NCOA3: variants seen among roughly 807,000 people sequenced by gnomAD.
NCOA3 encodes nuclear receptor coactivator 3.
A neutral mutation model predicts 158.8 loss-of-function variants in NCOA3; 51 were observed. That is an observed-to-expected ratio of 0.32 (90% CI 0.26 to 0.41). NCOA3 has a LOEUF of 0.41. NCOA3 is among the 10% of genes least tolerant of loss of function. The pLI is 1.00. For missense variants in NCOA3, 1,510 were observed against 1,746.6 expected (o/e 0.86, Z 2.41); for synonymous variants, 537 against 592.4 (o/e 0.91, Z 1.36).
chr20:47,544,744 T>G (rs1442438141), intron 1 of NCOA3, among the ~76,000 whole-genome samples: 13 of 152,208 alleles, frequency 8.5e-5, no homozygotes, highest in Non-Finnish European at 5.9e-5. Context: ...TACTTCAGTT[T>G]ATGGATAGTT....
intron 1 of NCOA3, among the ~76,000 whole-genome samples, chr20:47,533,555 T>G (rs1054007664): frequency 1.3e-5 from 2 of 152,140 alleles, no homozygotes; most frequent in Non-Finnish European, 2.9e-5. Context: ...TAGCAGAGAT[T>G]AAATGAACTC....
At chr20:47,635,852 G>A in intron 11 of NCOA3, 39 bp from the exon 12 acceptor site, 1 of 1,551,810 alleles carries the variant, frequency 6.4e-7, no homozygotes, top group South Asian at 1.2e-5. Flanking sequence ...ACAGTGTCTG[G>A]TAGTCTAATT....
At chr20:47,563,888 CAAA>C (rs72161837) in intron 1 of NCOA3, among the ~76,000 whole-genome samples, 33 of 58,822 alleles carry the variant, frequency 5.6e-4, no homozygotes, top group African/African-American at 1.9e-3. Context: ...GATTCTGTCT[CAAA>C]AAAAAAAAAA....
rs531207074 is a variant in NCOA3, at chr20:47,529,657, C to T, written c.-99+27638C>T. Among the ~76,000 whole-genome samples, 9 of 152,352 alleles carry T rather than the reference C, an allele frequency of 5.9e-5. No individual in the cohort carries two copies. The South Asian group carries it at 1.0e-3, about 18-fold the overall frequency. ...CGAACTCTGACCTCAAGTGATCCAC[C>T]GGCTCAACCTCTCAAAGTGTTGTGA... is the stretch of plus-strand genomic sequence containing the variant. On this transcript the variant is annotated intron_variant, in intron 1 of 22. Coordinates refer to ENST00000371998, the MANE Select transcript of NCOA3 (RefSeq NM_181659.3).
At chr20:47,557,254 C>T (rs986210508) in intron 1 of NCOA3, among the ~76,000 whole-genome samples, 7 of 152,176 alleles carry the variant, frequency 4.6e-5, no homozygotes, top group African/African-American at 1.4e-4. Flanking sequence ...TCAACAGTAA[C>T]ACCTACTTTT....
intron 2 of NCOA3, among the ~76,000 whole-genome samples, chr20:47,603,331 TTC>T (rs1252052123): frequency 1.3e-5 from 2 of 152,368 alleles, no homozygotes; most frequent in East Asian, 3.9e-4. Flanking sequence ...GGCTCATCTG[TTC>T]CGTGCTCTCA....
intron 1 of NCOA3, among the ~76,000 whole-genome samples, chr20:47,516,609 TA>T (rs1482774187): frequency 1.3e-5 from 2 of 151,926 alleles, no homozygotes; most frequent in African/African-American, 2.4e-5. Flanking sequence ...TTTTAGACAA[TA>T]AAAAACAAAG....
intron 2 of NCOA3, among the ~76,000 whole-genome samples, chr20:47,592,587 T>C (rs2085664102): frequency 6.6e-6 from 1 of 152,214 alleles, no homozygotes; most frequent in Non-Finnish European, 1.5e-5. Context: ...CAAAGTTATA[T>C]ACCTAGTTTG....
At chr20:47,547,088 ATACTT>A (rs753255663) in intron 1 of NCOA3, among the ~76,000 whole-genome samples, 1 of 152,168 alleles carries the variant, frequency 6.6e-6, no homozygotes, top group Non-Finnish European at 1.5e-5. Flanking sequence ...TAATATATTA[ATACTT>A]TACTTATTTA....
intron 1 of NCOA3, among the ~76,000 whole-genome samples, chr20:47,540,328 C>A (rs1403956489): frequency 6.6e-6 from 1 of 152,096 alleles, no homozygotes; most frequent in Non-Finnish European, 1.5e-5. Context: ...AATCCCAGCA[C>A]TTTGGGAGGC....
chr20:47,641,706 A>G (rs1240857818), intron 16 of NCOA3, among the ~76,000 whole-genome samples: 1 of 151,268 alleles, frequency 6.6e-6, no homozygotes, highest in Admixed American at 6.6e-5. Flanking sequence ...CACCATTCAC[A>G]GGATGGTCTC....
chr20:47,503,759 T>G (rs2083980921), intron 1 of NCOA3, among the ~76,000 whole-genome samples: 1 of 152,190 alleles, frequency 6.6e-6, no homozygotes, highest in Non-Finnish European at 1.5e-5. Context: ...GTTCATTGTT[T>G]GTATGTACAA....
intron 2 of NCOA3, among the ~76,000 whole-genome samples, chr20:47,610,823 A>G (rs1229629993): frequency 2.0e-5 from 3 of 152,204 alleles, no homozygotes; most frequent in Non-Finnish European, 4.4e-5. Context: ...TACAGTCTTA[A>G]TTTTTGTAAC....
intron 1 of NCOA3, among the ~76,000 whole-genome samples, chr20:47,580,833 G>A (rs564196442): frequency 3.9e-5 from 6 of 152,166 alleles, no homozygotes; most frequent in African/African-American, 9.6e-5. Context: ...CGGTATGGTG[G>A]CTCACACCTG....
chr20:47,568,367 T>C (rs1262097886), intron 1 of NCOA3, among the ~76,000 whole-genome samples: 2 of 152,178 alleles, frequency 1.3e-5, no homozygotes, highest in East Asian at 1.9e-4. Flanking sequence ...CCTCAGACCA[T>C]TGTGATAAAA....
At chr20:47,528,817 A>G (rs2084499610) in intron 1 of NCOA3, among the ~76,000 whole-genome samples, 2 of 152,058 alleles carry the variant, frequency 1.3e-5, no homozygotes, top group Admixed American at 6.6e-5. Context: ...TTTGTTGCCC[A>G]GGCTGAAGTG....
intron 1 of NCOA3, among the ~76,000 whole-genome samples, chr20:47,542,015 T>TTGC (rs1367431674): frequency 2.0e-4 from 22 of 111,586 alleles, no homozygotes; most frequent in African/African-American, 7.6e-4. Flanking sequence ...TAGAGTTTTT[T>TTGC]TTTTTTTTTT....
intron 1 of NCOA3, among the ~76,000 whole-genome samples, chr20:47,535,454 C>G (rs2084616949): frequency 6.6e-6 from 1 of 152,008 alleles, no homozygotes; most frequent in Non-Finnish European, 1.5e-5. Flanking sequence ...GGTTCTTGCC[C>G]TAGTGTGCTG....
rs146502858 is a variant in NCOA3, at chr20:47,654,704, C to G, written c.*1287C>G. The G allele has an allele frequency of 6.6e-6, 1 of 152,028 alleles. No homozygotes were observed. Among genetic ancestry groups the G allele is most frequent in the African/African-American group, 2.4e-5 (1 of 41,276 alleles). 9.4% of individuals were successfully genotyped at this position (152,028 alleles called of 1,614,324 possible). The stretch of plus-strand genomic sequence containing the variant: ...TTTAATTTTTTAAAAATTCCTCTAC[C>G]AGAACTAAGCACTTTGTTAATTTGG... On this transcript the variant is annotated 3_prime_UTR_variant, in exon 23 of 23. Coordinates refer to ENST00000371998, the MANE Select transcript of NCOA3 (RefSeq NM_181659.3).
Sources: gnomAD v4.1 joint callset for allele counts (sites outside exome capture counted in the v4.1 genomes callset) on GRCh38, gnomAD v4.1.1 for gene constraint, MANE v1.5 for transcripts, NCBI Gene and HGNC (gene_info 2026-07-23, HGNC 2026-07-21) for gene names.